The following CA5A variants were observed in gnomAD, a reference collection of about 807,000 sequenced individuals.
CA5A encodes the protein carbonic anhydrase 5A.
In CA5A, 28 loss-of-function variants were observed where a neutral mutation model predicts 37.1. The ratio of observed to expected loss-of-function variants is 0.75; its 90% CI spans 0.56 to 1.03. The LOEUF (loss-of-function observed/expected upper bound fraction) is 1.03. CA5A is among the 50% of genes least tolerant of loss of function. The pLI, the probability that CA5A is intolerant of heterozygous loss-of-function variation, is 0.00. For synonymous variants in CA5A, 171 were observed against 158.4 expected, an observed-to-expected ratio of 1.08 and a Z score of -0.60; for missense variants, 444 against 399.9, an observed-to-expected ratio of 1.11 and a Z score of -0.94.
chr16:87,926,260 C>T (rs751709363), intron 2 of CA5A, among the ~76,000 whole-genome samples: 7 of 145,022 alleles, frequency 4.8e-5, no homozygotes, highest in Non-Finnish European at 7.7e-5. Context: ...TCGGCCAGGT[C>T]ACTGCCTGCT....
intron 5 of CA5A, among the ~76,000 whole-genome samples, chr16:87,895,496 G>A (rs1051072127): frequency 6.6e-6 from 1 of 152,184 alleles, no homozygotes; most frequent in African/African-American, 2.4e-5. Context: ...AGTGAGCTGA[G>A]CTCATGCCAT....
chr16:87,936,211 A>G (rs941986549), intron 1 of CA5A, 98 bp downstream of exon 1: 21 of 761,552 alleles, frequency 2.8e-5, no homozygotes, highest in African/African-American at 1.8e-4. Flanking sequence ...ATCTGAACCC[A>G]TCTGGCTCGG....
At chr16:87,899,094 C>T (rs1460330256) in intron 5 of CA5A, among the ~76,000 whole-genome samples, 3 of 152,002 alleles carry the variant, frequency 2.0e-5, no homozygotes, top group Non-Finnish European at 4.4e-5. Flanking sequence ...CAGAGGTGCG[C>T]AGCTCAGGAG....
chr16:87,927,104 G>T (rs555900745), intron 1 of CA5A, among the ~76,000 whole-genome samples, 159 bp from the exon 2 acceptor site: 1 of 152,244 alleles, frequency 6.6e-6, no homozygotes, highest in Non-Finnish European at 1.5e-5. Flanking sequence ...GCGCAGCGAC[G>T]CACGCCCACA....
At position 87,927,565 on chromosome 16, in the gene CA5A, C is replaced by T. The variant is rs114808056; in HGVS notation, c.143-620G>A. 9.4e-3 allele frequency among the ~76,000 whole-genome samples: 1,428 copies of T among 152,224 alleles called. 27 individuals are homozygous for T. The highest frequency in any genetic ancestry group is 0.033 in the African/African-American group (1,364 of 41,534). ...CATTTTTAAAGTAAGAGCCATTAAT[C>T]GAAAACAGTTCAGAGGTCAGGAACA... On this transcript the variant is annotated intron_variant, in intron 1 of 6. Transcript: ENST00000649794.
At chr16:87,933,270 A>G (rs2056431835) in intron 1 of CA5A, among the ~76,000 whole-genome samples, 1 of 152,274 alleles carries the variant, frequency 6.6e-6, no homozygotes, top group Non-Finnish European at 1.5e-5. Context: ...TACTTTCACC[A>G]TGGCCAATTT....
intron 5 of CA5A, 103 bp downstream of exon 5, chr16:87,901,809 A>G: frequency 1.1e-6 from 1 of 893,522 alleles, no homozygotes; most frequent in Non-Finnish European, 1.8e-6. Context: ...CTGGTCTCGA[A>G]CTCCCAACCT....
At chr16:87,906,431 C>T (rs1294770190) in intron 2 of CA5A, among the ~76,000 whole-genome samples, 3 of 152,072 alleles carry the variant, frequency 2.0e-5, no homozygotes, top group Non-Finnish European at 2.9e-5. Context: ...AGTTAGAGAC[C>T]AGCCTGGCCA....
intron 5 of CA5A, among the ~76,000 whole-genome samples, chr16:87,894,679 G>A (rs1202381499): frequency 6.6e-6 from 1 of 151,686 alleles, no homozygotes; most frequent in African/African-American, 2.4e-5. Context: ...AGGAGTTCAA[G>A]ACCAGCCTGA....
At position 87,928,914 on chromosome 16, in the gene CA5A, C is replaced by G. The variant is rs369084876; in HGVS notation, c.143-1969G>C. Among the ~76,000 whole-genome samples the G allele has an allele frequency of 2.6e-3, 394 of 150,422 alleles. 3 individuals carry two copies. Among genetic ancestry groups the G allele is most frequent in the African/African-American group, 8.4e-3 (347 of 41,236 alleles). ...CTCCTGAGTAGCTCTATTACAGGCA[C>G]GCGCCGCCACACCTGGCTACTTTTT... is the stretch of plus-strand genomic sequence containing the variant. On this transcript the variant is annotated intron_variant, in intron 1 of 6. Coordinates refer to ENST00000649794, the MANE Select transcript of CA5A (RefSeq NM_001739.2).
At chr16:87,924,105 G>C in intron 2 of CA5A, 1 of 985,422 alleles carries the variant, frequency 1.0e-6, no homozygotes, top group Non-Finnish European at 1.2e-6. Context: ...GGTCCCCGAA[G>C]CTGGCCTGGT....
At chr16:87,907,420 A>AG (rs150221835) in intron 2 of CA5A, among the ~76,000 whole-genome samples, 3,538 of 152,278 alleles carry the variant, frequency 0.023, 42 homozygotes, top group African/African-American at 0.035. Flanking sequence ...GGAGCCTCCC[A>AG]GGGGGTCTGC....
chr16:87,919,286 C>T (rs1233038675), intron 2 of CA5A, among the ~76,000 whole-genome samples: 1 of 152,244 alleles, frequency 6.6e-6, no homozygotes, highest in Non-Finnish European at 1.5e-5. Context: ...CCCATCCTTA[C>T]TCTGGGAACA....
In CA5A at chr16:87,927,448, G is replaced by A. The variant is rs543339166; in HGVS notation, c.143-503C>T. Among the ~76,000 whole-genome samples, 65 of 152,328 alleles carry A rather than the reference G, an allele frequency of 4.3e-4. No individual in the cohort carries two copies. In the Middle Eastern group the frequency reaches 0.017, roughly 40 times the overall value. The stretch of plus-strand genomic sequence containing the variant: ...CCAACTCTCCAAGCCCTCTGGCAAG[G>A]AGGAAATGAGACCCCAGTGTGGAGA... On this transcript the variant is annotated intron_variant, in intron 1 of 6. Coordinates refer to ENST00000649794, the MANE Select transcript of CA5A (RefSeq NM_001739.2).
intron 1 of CA5A, among the ~76,000 whole-genome samples, chr16:87,928,044 C>T (rs1441057501): frequency 1.3e-5 from 2 of 152,032 alleles, no homozygotes; most frequent in African/African-American, 2.4e-5. Flanking sequence ...GCTCTTGAAA[C>T]CTTAGAGCAC....
At chr16:87,913,054 G>T (rs1197106145) in intron 2 of CA5A, among the ~76,000 whole-genome samples, 1 of 151,928 alleles carries the variant, frequency 6.6e-6, no homozygotes, top group Non-Finnish European at 1.5e-5. Flanking sequence ...TACAATCTTG[G>T]CTCACTGCAG....
intron 1 of CA5A, among the ~76,000 whole-genome samples, chr16:87,935,187 T>C (rs6540114): frequency 0.31 from 46,589 of 152,066 alleles, 10,006 homozygotes; most frequent in African/African-American, 0.61. Context: ...AAACATGGAA[T>C]GCATGGAAGA....
chr16:87,892,149 G>A (rs58168078), intron 5 of CA5A, 195 bp from the exon 6 acceptor site: 6,016 of 474,376 alleles, frequency 0.013, 341 homozygotes, highest in African/African-American at 0.11. Context: ...AAGGATTCCT[G>A]CCAACTTACA....
intron 5 of CA5A, among the ~76,000 whole-genome samples, chr16:87,896,284 C>A (rs979291365): frequency 2.0e-5 from 3 of 152,186 alleles, no homozygotes; most frequent in African/African-American, 7.2e-5. Flanking sequence ...CCAGCCATGC[C>A]ACTGCGGGTA....
Sources: allele counts gnomAD v4.1 joint callset (sites outside exome capture counted in the v4.1 genomes callset), GRCh38; gene constraint gnomAD v4.1.1; transcripts MANE v1.5; gene names NCBI Gene and HGNC (gene_info 2026-07-23, HGNC 2026-07-21).